TTC38: variants seen among roughly 807,000 people sequenced by gnomAD.
The protein encoded by TTC38 is tetratricopeptide repeat domain 38, also known as tetratricopeptide repeat protein 38.
In TTC38, 64 loss-of-function variants were observed where a neutral mutation model predicts 64.2. That is an observed-to-expected ratio of 1.00 (90% CI 0.81 to 1.23). The LOEUF is 1.23. Among genes scored for constraint, TTC38 ranks in the 50% most tolerant of loss-of-function variants. The pLI, the probability that TTC38 is intolerant of heterozygous loss-of-function variation, is 0.00. For missense variants in TTC38, 573 were observed against 615.5 expected (o/e 0.93, Z 0.73); for synonymous variants, 254 against 249.3 (o/e 1.02, Z -0.18).
rs1381612513 is a variant in TTC38 at position 46,287,141 on chromosome 22, C to A, written c.903C>A (p.Arg301=). 2 of 1,602,868 alleles carry A rather than the reference C, an allele frequency of 1.2e-6. No homozygotes were observed. Among genetic ancestry groups the A allele is most frequent in the East Asian group, 4.5e-5 (2 of 44,670 alleles). ...TGGACAGCTGCTCCATGCTCTACCG[C>A]CTGCAGATGGAAGGTAGCCATCCCT... ...DVVDSCSMLY[R]LQMEGVSVGQ... The change falls in exon 10 of 14, where the codon CGC becomes CGA. Residue 301 remains arginine, a synonymous_variant. Transcript: ENST00000381031.
chr22:46,268,500 C>T lies in TTC38; in HGVS notation c.34-14C>T, dbSNP rs1238703546. 1.2e-6 allele frequency: 2 copies of T among 1,613,918 alleles called. No individual in the cohort carries two copies. Among genetic ancestry groups the T allele is most frequent in the Non-Finnish European group, 1.7e-6 (2 of 1,179,990 alleles). On this transcript the variant is annotated splice_polypyrimidine_tract_variant and intron_variant, in intron 1 of 13. Coordinates refer to ENST00000381031, the MANE Select transcript of TTC38 (RefSeq NM_017931.4). ...GGAGAGAAGGCACTGCTATTCCCTTCTTGCCGTCTGTAGGCCTGGAAGGAT... is the reference window on the plus strand; with the variant it reads ...GGAGAGAAGGCACTGCTATTCCCTTTTTGCCGTCTGTAGGCCTGGAAGGAT...
At chr22:46,277,021 C>G (rs1039286202) in intron 5 of TTC38, among the ~76,000 whole-genome samples, 3 of 139,410 alleles carry the variant, frequency 2.2e-5, no homozygotes, top group Non-Finnish European at 3.0e-5. Flanking sequence ...TTAAATGACC[C>G]CAGTAAACAA....
At position 46,281,844 on chromosome 22, in the gene TTC38, C is replaced by T; in HGVS notation, c.735+126C>T. 1 of 1,251,370 alleles carries T rather than the reference C, an allele frequency of 8.0e-7. No individual in the cohort carries two copies. 77.5% of individuals were successfully genotyped at this position (1,251,370 alleles called of 1,614,324 possible). A position where few individuals can be genotyped will look rare whatever the true frequency, so the allele number is the denominator to read the frequency against. ...TCTCGGGGTTCCCTCTCCTCCTCCA[C>T]CTGCACCTGCCTCAGGTGTTTGGCT... On this transcript the variant is annotated intron_variant, in intron 7 of 13. Transcript: ENST00000381031. This position sits in a 1 kb window ranked among gnomAD's most constrained non-coding sequence, Gnocchi z 5.2.
chr22:46,288,269 C>G (rs955232979), intron 10 of TTC38, among the ~76,000 whole-genome samples, 154 bp from the exon 11 acceptor site: 2 of 152,190 alleles, frequency 1.3e-5, no homozygotes, highest in African/African-American at 4.8e-5. Flanking sequence ...AAGCACAAGG[C>G]CAGACGCTGC....
At position 46,281,541 on chromosome 22, in the gene TTC38, C is replaced by T. The variant is rs1002436824; in HGVS notation, c.616-58C>T. On this transcript the variant is annotated intron_variant, in intron 6 of 13. Transcript: ENST00000381031. This position sits in a 1 kb window ranked among gnomAD's most constrained non-coding sequence, Gnocchi z 5.2. ...CCCCTTAGAGACCTGCCGTCGCCTG[C>T]CCCGGCAGCCTGACTGATCTGCTTT... The T allele has an allele frequency of 6.2e-7, 1 of 1,600,536 alleles. No individual in the cohort carries two copies. The highest frequency in any genetic ancestry group is 8.5e-7 in the Non-Finnish European group (1 of 1,170,916).
rs369569497 is a variant in TTC38, at chr22:46,270,026, T to C, written c.111+1435T>C. On this transcript the variant is annotated intron_variant, in intron 2 of 13. Transcript: ENST00000381031. This position sits in a 1 kb window ranked among gnomAD's most constrained non-coding sequence, Gnocchi z 4.7. The stretch of plus-strand genomic sequence containing the variant: ...TCAGGATGGTCACAAACTCCTGACC[T>C]TGTGATTCCCCTGCCTTGGCCTCTC... Among the ~76,000 whole-genome samples the C allele has an allele frequency of 3.9e-5, 6 of 152,176 alleles. No homozygotes were observed. The East Asian group carries it at 5.8e-4, about 15-fold the overall frequency.
intron 5 of TTC38, among the ~76,000 whole-genome samples, chr22:46,277,605 CAAAAAAAAAAA>C (rs130643): frequency 1.5e-5 from 1 of 66,532 alleles, no homozygotes; most frequent in African/African-American, 5.7e-5. Context: ...ACTCTGTCTC[CAAAAAAAAAAA>C]AAAAAAAAAA....
rs1156669811 is a variant in TTC38, at chr22:46,282,199, C to A, written c.735+481C>A. The A allele has an allele frequency of 6.0e-6, 2 of 331,720 alleles. No individual in the cohort carries two copies. Among genetic ancestry groups the A allele is most frequent in the Non-Finnish European group, 1.2e-5 (2 of 165,178 alleles). 20.5% of individuals were successfully genotyped at this position (331,720 alleles called of 1,614,324 possible). A position where few individuals can be genotyped will look rare whatever the true frequency, so the allele number is the denominator to read the frequency against. On this transcript the variant is annotated intron_variant, in intron 7 of 13. Transcript: ENST00000381031. This position sits in a 1 kb window ranked among gnomAD's most constrained non-coding sequence, Gnocchi z 4.4. ...AGATGGAGGGCATCCTAGCCCGTCA[C>A]TAGCTTGAGCAAGGCCTCCAAGGCC...
intron 6 of TTC38, among the ~76,000 whole-genome samples, chr22:46,279,900 G>A (rs901570224): frequency 1.3e-5 from 2 of 152,182 alleles, no homozygotes; most frequent in African/African-American, 4.8e-5. Context: ...GACATTTGGA[G>A]AAGCTCTGGA....
chr22:46,287,555 C>G (rs1388653082), intron 10 of TTC38, among the ~76,000 whole-genome samples: 1 of 152,244 alleles, frequency 6.6e-6, no homozygotes, highest in African/African-American at 2.4e-5. Flanking sequence ...GGATTGTAGA[C>G]AGGTTTCTCA....
intron 10 of TTC38, 83 bp downstream of exon 10, chr22:46,287,237 T>G (rs2077578333): frequency 9.9e-6 from 13 of 1,313,168 alleles, no homozygotes; most frequent in Non-Finnish European, 1.4e-5. Context: ...GGCCCAGGGT[T>G]GGGCAAGAGC....
In TTC38 at chr22:46,281,989, G is replaced by A. The variant is rs573169403; in HGVS notation, c.735+271G>A. On this transcript the variant is annotated intron_variant, in intron 7 of 13. Transcript: ENST00000381031. The surrounding 1 kb of genome is among the most constrained non-coding windows in gnomAD (Gnocchi z 5.2). The stretch of plus-strand genomic sequence containing the variant: ...CTTACAGGGCCTGGTCAGGAGGAGC[G>A]AGCAGCCTCTTCAAAGCACATGAGC... The A allele has an allele frequency of 1.0e-5, 6 of 601,716 alleles. No individual in the cohort carries two copies. The allele number at this position is 601,716 out of a possible 1,614,324, so 37.3% of individuals were successfully genotyped here.
chr22:46,283,471 T>A (rs916234284), intron 7 of TTC38, among the ~76,000 whole-genome samples: 3 of 152,194 alleles, frequency 2.0e-5, no homozygotes, highest in African/African-American at 7.2e-5. Context: ...AAATGCAGCA[T>A]AATTTCTTCA....
At chr22:46,284,086 G>A (rs114243646) in intron 8 of TTC38, 54 bp downstream of exon 8, 5 of 1,470,660 alleles carry the variant, frequency 3.4e-6, no homozygotes, top group Non-Finnish European at 4.7e-6. Context: ...TCTAGAGGGA[G>A]AAAGATTTTT....
rs573736869 is a variant in TTC38, at chr22:46,286,014, C to CA, written c.834+752dup. 8.5e-3 allele frequency among the ~76,000 whole-genome samples: 628 copies of CA among 73,864 alleles called. 6 individuals carry two copies. The highest frequency in any genetic ancestry group is 0.039 in the Middle Eastern group (5 of 128). The allele number at this position is 73,864 out of a possible 152,430, so 48.5% of individuals were successfully genotyped here. A position where few individuals can be genotyped will look rare whatever the true frequency, so the allele number is the denominator to read the frequency against. On this transcript the variant is annotated intron_variant, in intron 9 of 13. Coordinates refer to ENST00000381031, the MANE Select transcript of TTC38 (RefSeq NM_017931.4). The stretch of plus-strand genomic sequence containing the variant: ...TGGGTGACAGAGTGAGACTCTGTCT[C>CA]AAAAAAAAAAAAAAAAAGTGTATAG...
At position 46,273,081 on chromosome 22, in the gene TTC38, T is replaced by C. The variant is rs1270320603; in HGVS notation, c.193+665T>C. On this transcript the variant is annotated intron_variant, in intron 3 of 13. Transcript: ENST00000381031. This position sits in a 1 kb window ranked among gnomAD's most constrained non-coding sequence, Gnocchi z 5.1. ...AGTCAGACTTAAGGCAGGGGACTTG[T>C]ACTGCCCTGGAGAAGACAAACAAGG... Among the ~76,000 whole-genome samples the C allele has an allele frequency of 6.6e-6, 1 of 152,136 alleles. No homozygotes were observed. Among genetic ancestry groups the C allele is most frequent in the African/African-American group, 2.4e-5 (1 of 41,440 alleles).
chr22:46,274,017 C>T lies in TTC38; in HGVS notation c.313C>T (p.Leu105=), dbSNP rs1417238002. ...TMVEISRTQP[L]TRREQLHVSA... ...GGTGGAGATTTCAAGAACCCAGCCG[C>T]TGACAAGGCGGGAGCAGCTGCACGT... The change falls in exon 4 of 14, where the codon CTG becomes TTG. Residue 105 remains leucine (L), a synonymous_variant. Coordinates refer to ENST00000381031, the MANE Select transcript of TTC38 (RefSeq NM_017931.4). The surrounding 1 kb of genome is among the most constrained non-coding windows in gnomAD (Gnocchi z 4.8). 1.2e-6 allele frequency: 2 copies of T among 1,614,116 alleles called. No individual in the cohort carries two copies. The highest frequency in any genetic ancestry group is 1.3e-5 in the African/African-American group (1 of 74,938).
At chr22:46,287,396 C>T (rs772158185) in intron 10 of TTC38, among the ~76,000 whole-genome samples, 77 of 152,254 alleles carry the variant, frequency 5.1e-4, no homozygotes, top group Non-Finnish European at 9.6e-4. Flanking sequence ...TCGATGTGGA[C>T]GCCTCCAGCT....
rs1313064538 is a variant in TTC38 at position 46,273,877 on chromosome 22, C to T, written c.194-21C>T. 10 of 1,613,456 alleles carry T rather than the reference C, an allele frequency of 6.2e-6. No homozygotes were observed. Among genetic ancestry groups the T allele is most frequent in the South Asian group, 1.1e-5 (1 of 91,036 alleles). ...GAGCTGGACCATCTGAACCACCAGC[C>T]GTTCTCTAACCTCCCACCAGTGATG... On this transcript the variant is annotated intron_variant, in intron 3 of 13. Coordinates refer to ENST00000381031, the MANE Select transcript of TTC38 (RefSeq NM_017931.4). This position sits in a 1 kb window ranked among gnomAD's most constrained non-coding sequence, Gnocchi z 5.1.
Sources: allele counts gnomAD v4.1 joint callset (sites outside exome capture counted in the v4.1 genomes callset), GRCh38; gene constraint gnomAD v4.1.1; non-coding constraint Gnocchi (gnomAD v3.1); transcripts MANE v1.5; gene names NCBI Gene and HGNC (gene_info 2026-07-23, HGNC 2026-07-21).